SEMA3E: variants seen among roughly 807,000 people sequenced by gnomAD.
SEMA3E encodes semaphorin-3E.
A neutral mutation model predicts 93.6 loss-of-function variants in SEMA3E; 49 were observed. That is an observed-to-expected ratio of 0.52 (90% CI 0.42 to 0.66). The LOEUF is 0.66. Ranked by LOEUF, SEMA3E falls within the 30% of genes least tolerant of loss-of-function variation. The pLI, the probability that SEMA3E is intolerant of heterozygous loss-of-function variation, is 0.00. For missense variants in SEMA3E, 906 were observed against 964.8 expected (o/e 0.94, Z 0.81); for synonymous variants, 363 against 330.7 (o/e 1.10, Z -1.06).
chr7:83,561,535 C>G (rs1742955363), intron 1 of SEMA3E, among the ~76,000 whole-genome samples: 1 of 152,088 alleles, frequency 6.6e-6, no homozygotes, highest in Admixed American at 6.6e-5. Context: ...ACCCTGCCCT[C>G]AAGGAATCAA....
intron 5 of SEMA3E, among the ~76,000 whole-genome samples, chr7:83,415,712 C>A (rs1480144835): frequency 6.6e-6 from 1 of 151,878 alleles, no homozygotes; most frequent in East Asian, 1.9e-4. Context: ...ATAGAAAATT[C>A]TCTAATTTGC....
At chr7:83,505,317 A>T (rs566363416) in intron 1 of SEMA3E, among the ~76,000 whole-genome samples, 5 of 152,322 alleles carry the variant, frequency 3.3e-5, no homozygotes, top group African/African-American at 1.2e-4. Flanking sequence ...ACAGAGGATC[A>T]GACAATATAA....
At chr7:83,373,533 C>T (rs755414387) in intron 16 of SEMA3E, among the ~76,000 whole-genome samples, 7 of 151,930 alleles carry the variant, frequency 4.6e-5, no homozygotes, top group African/African-American at 7.3e-5. Flanking sequence ...TGATGGTTAC[C>T]TAGTAGACAG....
At chr7:83,640,385 A>G (rs1347456019) in intron 1 of SEMA3E, among the ~76,000 whole-genome samples, 1 of 152,168 alleles carries the variant, frequency 6.6e-6, no homozygotes, top group Non-Finnish European at 1.5e-5. Context: ...CAGTTTAGCT[A>G]CAGAATACTT....
chr7:83,462,264 C>A (rs1789641692), intron 4 of SEMA3E: 1 of 152,196 alleles, frequency 6.6e-6, no homozygotes, highest in South Asian at 2.1e-4. Context: ...ACATTACCTT[C>A]TTTTCAAGGG....
intron 1 of SEMA3E, among the ~76,000 whole-genome samples, chr7:83,565,222 C>A (rs111399022): frequency 6.6e-6 from 1 of 152,146 alleles, no homozygotes; most frequent in South Asian, 2.1e-4. Flanking sequence ...CCATAAAAAA[C>A]AATGAGATCA....
chr7:83,635,142 C>A (rs182894491), intron 1 of SEMA3E, among the ~76,000 whole-genome samples: 1 of 152,042 alleles, frequency 6.6e-6, no homozygotes, highest in East Asian at 1.9e-4. Context: ...GTGACAATGT[C>A]AAGCTTAAAA....
chr7:83,585,039 T>C (rs998098491), intron 1 of SEMA3E, among the ~76,000 whole-genome samples: 1 of 152,144 alleles, frequency 6.6e-6, no homozygotes, highest in Admixed American at 6.6e-5. Context: ...CTAATACTAA[T>C]TCCTATCAGT....
At chr7:83,395,457 T>C (rs62458480) in intron 12 of SEMA3E, among the ~76,000 whole-genome samples, 1,775 of 152,266 alleles carry the variant, frequency 0.012, 13 homozygotes, top group South Asian at 0.02. Context: ...TTGCTAAAAT[T>C]AGTTGCAACC....
At chr7:83,447,793 G>T (rs562161867) in intron 4 of SEMA3E, among the ~76,000 whole-genome samples, 1 of 152,140 alleles carries the variant, frequency 6.6e-6, no homozygotes, top group South Asian at 2.1e-4. Context: ...GGTAAGTGCC[G>T]TGCCAAATGA....
intron 2 of SEMA3E, among the ~76,000 whole-genome samples, chr7:83,469,653 A>G (rs1038803733): frequency 6.6e-6 from 1 of 151,686 alleles, no homozygotes; most frequent in Non-Finnish European, 1.5e-5. Flanking sequence ...TGTTTTTACT[A>G]CTTAACACAG....
intron 4 of SEMA3E, among the ~76,000 whole-genome samples, chr7:83,464,246 C>A (rs1448745556): frequency 6.6e-6 from 1 of 151,700 alleles, no homozygotes; most frequent in Non-Finnish European, 1.5e-5. Flanking sequence ...ACTTTTACCA[C>A]TTTCCCTTCT....
chr7:83,586,846 T>A (rs894420414), intron 1 of SEMA3E, among the ~76,000 whole-genome samples: 2 of 152,004 alleles, frequency 1.3e-5, no homozygotes, highest in African/African-American at 4.8e-5. Context: ...AACTCCGAAA[T>A]TGCTATATTC....
rs1794121731 is a variant in SEMA3E at position 83,649,122 on chromosome 7, GA to G, written c.-581del. The stretch of plus-strand genomic sequence containing the variant: ...GCAGTCTGTCAGTGGCTGTTTACAG[GA>G]AAGTTCAGGCAGGGTTGAGCAGCGT... On this transcript the variant is annotated 5_prime_UTR_variant, in exon 1 of 17. Coordinates refer to ENST00000643230, the MANE Select transcript of SEMA3E (RefSeq NM_012431.3). 1 of 154,600 alleles carries G rather than the reference GA, an allele frequency of 6.5e-6. No individual in the cohort carries two copies. Among genetic ancestry groups the G allele is most frequent in the Non-Finnish European group, 1.4e-5 (1 of 69,654 alleles). 9.6% of individuals were successfully genotyped at this position (154,600 alleles called of 1,614,324 possible). A position where few individuals can be genotyped will look rare whatever the true frequency, so the allele number is the denominator to read the frequency against.
intron 16 of SEMA3E, among the ~76,000 whole-genome samples, chr7:83,370,293 C>A (rs971735772): frequency 6.6e-6 from 1 of 152,002 alleles, no homozygotes; most frequent in East Asian, 1.9e-4. Flanking sequence ...CAGTATCTTC[C>A]CACTCAAACT....
chr7:83,540,987 A>G (rs1235472672), intron 1 of SEMA3E, among the ~76,000 whole-genome samples: 1 of 152,174 alleles, frequency 6.6e-6, no homozygotes, highest in Admixed American at 6.5e-5. Context: ...TGTCACAAAA[A>G]ATAATTAAAA....
At chr7:83,642,891 A>G (rs1794033113) in intron 1 of SEMA3E, among the ~76,000 whole-genome samples, 1 of 152,060 alleles carries the variant, frequency 6.6e-6, no homozygotes, top group Non-Finnish European at 1.5e-5. Context: ...TGGGATGGCT[A>G]TGTATGAAGG....
chr7:83,421,034 C>A (rs1360579074), intron 4 of SEMA3E, among the ~76,000 whole-genome samples: 2 of 142,198 alleles, frequency 1.4e-5, no homozygotes, highest in Non-Finnish European at 3.2e-5. Flanking sequence ...AGACAACTTA[C>A]AGAATGTGAG....
chr7:83,632,435 T>C (rs1186871071), intron 1 of SEMA3E, among the ~76,000 whole-genome samples: 1 of 152,122 alleles, frequency 6.6e-6, no homozygotes, highest in Admixed American at 6.5e-5. Flanking sequence ...AATTGAATCA[T>C]GGGGGCAGTC....
Sources: gnomAD v4.1 joint callset for allele counts (sites outside exome capture counted in the v4.1 genomes callset) on GRCh38, gnomAD v4.1.1 for gene constraint, MANE v1.5 for transcripts, NCBI Gene and HGNC (gene_info 2026-07-23, HGNC 2026-07-21) for gene names.